The following SDCCAG8 variants were observed in gnomAD, a reference collection of about 807,000 sequenced individuals.
SDCCAG8 encodes the protein SHH signaling and ciliogenesis regulator SDCCAG8, also known as serologically defined colon cancer antigen 8.
A neutral mutation model predicts 101.8 loss-of-function variants in SDCCAG8; 74 were observed. The observed-to-expected ratio is 0.73, with a 90% CI of 0.60 to 0.88. The LOEUF (loss-of-function observed/expected upper bound fraction) is 0.88. Ranked by LOEUF, SDCCAG8 falls within the 40% of genes least tolerant of loss-of-function variation. The pLI is 0.00. For missense variants in SDCCAG8, 787 were observed against 822.6 expected, an observed-to-expected ratio of 0.96 and a Z score of 0.53; for synonymous variants, 281 against 292.9, an observed-to-expected ratio of 0.96 and a Z score of 0.41.
Position 243,378,759 on chromosome 1 carries a change from A to G in SDCCAG8, c.1512A>G (p.Lys504=). Residue 504 remains lysine (K), a synonymous_variant, in exon 13 of 18, where the codon AAA becomes AAG. Transcript: ENST00000366541. The part of the protein sequence containing the change: ...EKLRIELDES[K]QHLEQEQQKA... The stretch of plus-strand genomic sequence containing the variant: ...TGAGAATAGAACTGGATGAAAGCAA[A>G]CAACACTTGGAACAGGAGCAGCAGA... 6.2e-7 allele frequency: 1 copy of G among 1,614,110 alleles called. No homozygotes were observed. Among genetic ancestry groups the G allele is most frequent in the South Asian group, 1.1e-5 (1 of 91,084 alleles).
At chr1:243,271,086 T>A (rs748363112) in intron 3 of SDCCAG8, 23 bp downstream of exon 3, 1 of 1,498,598 alleles carries the variant, frequency 6.7e-7, no homozygotes, top group Non-Finnish European at 9.3e-7. Context: ...TTTTCCAAGT[T>A]GACAAAGCAT....
intron 4 of SDCCAG8, among the ~76,000 whole-genome samples, chr1:243,278,343 C>G (rs1011093924): frequency 6.6e-6 from 1 of 152,136 alleles, no homozygotes; most frequent in African/African-American, 2.4e-5. Context: ...GCCTCAGCCT[C>G]CCGAATAGCT....
chr1:243,462,749 G>T (rs939988854), intron 16 of SDCCAG8, among the ~76,000 whole-genome samples: 1 of 152,058 alleles, frequency 6.6e-6, no homozygotes, highest in African/African-American at 2.4e-5. Context: ...ATATCATAGT[G>T]CTGTTGGGTC....
intron 12 of SDCCAG8, among the ~76,000 whole-genome samples, chr1:243,359,322 T>C (rs1362629584): frequency 6.6e-6 from 1 of 152,332 alleles, no homozygotes; most frequent in East Asian, 1.9e-4. Context: ...CAGATGCCAT[T>C]TGCACTATAG....
chr1:243,312,999 A>G (rs2072900801), intron 8 of SDCCAG8, among the ~76,000 whole-genome samples: 1 of 152,214 alleles, frequency 6.6e-6, no homozygotes, highest in Admixed American at 6.5e-5. Flanking sequence ...TCACATGGTA[A>G]CCAAGATGGA....
rs548968544 is a variant in SDCCAG8, at chr1:243,416,221, A to C, written c.1744+392A>C. ...GCTCTGCGGGAAATGCTCTGAGCTT[A>C]CAGTTAGAGTCTCCTGAATAGCATT... On this transcript the variant is annotated intron_variant, in intron 14 of 17. Transcript: ENST00000366541. This position sits in a 1 kb window ranked among gnomAD's most constrained non-coding sequence, Gnocchi z 4.3. Among the ~76,000 whole-genome samples, 4 of 152,306 alleles carry C rather than the reference A, an allele frequency of 2.6e-5. No homozygotes were observed. The South Asian group carries it at 8.3e-4, about 32-fold the overall frequency.
chr1:243,438,369 T>C (rs1558469737), intron 16 of SDCCAG8, among the ~76,000 whole-genome samples: 1 of 152,226 alleles, frequency 6.6e-6, no homozygotes, highest in Non-Finnish European at 1.5e-5. Context: ...GATAAAACGG[T>C]TCAATTGTTC....
At chr1:243,393,723 A>G (rs2078866045) in intron 13 of SDCCAG8, among the ~76,000 whole-genome samples, 1 of 152,184 alleles carries the variant, frequency 6.6e-6, no homozygotes. Flanking sequence ...TATGCATCAA[A>G]AAGTTTGCAG....
intron 7 of SDCCAG8, chr1:243,307,286 C>CAAA: frequency 2.2e-6 from 1 of 447,358 alleles, no homozygotes; most frequent in Non-Finnish European, 2.9e-6. Flanking sequence ...CCACCCCCAC[C>CAAA]ATTCCCCAGC....
chr1:243,303,804 G>A (rs1333728157), intron 6 of SDCCAG8, among the ~76,000 whole-genome samples: 1 of 152,120 alleles, frequency 6.6e-6, no homozygotes, highest in African/African-American at 2.4e-5. Flanking sequence ...CAGGCGCAGT[G>A]GCTCACACCT....
At chr1:243,352,214 G>C (rs1313517038) in intron 12 of SDCCAG8, among the ~76,000 whole-genome samples, 1 of 152,142 alleles carries the variant, frequency 6.6e-6, no homozygotes, top group Non-Finnish European at 1.5e-5. Context: ...GAAGATAAGA[G>C]TACAAATAGG....
At chr1:243,258,353 A>G (rs2066924999) in intron 1 of SDCCAG8, among the ~76,000 whole-genome samples, 1 of 152,202 alleles carries the variant, frequency 6.6e-6, no homozygotes, top group East Asian at 1.9e-4. Flanking sequence ...TTAACTCTGA[A>G]CTTAAGTACA....
intron 14 of SDCCAG8, 144 bp from the exon 15 acceptor site, chr1:243,417,824 C>A (rs1478033844): frequency 4.6e-6 from 3 of 652,904 alleles, no homozygotes; most frequent in Non-Finnish European, 8.4e-6. Context: ...ATGATAAGTC[C>A]TTTGACTTAG....
chr1:243,270,848 A>G (rs1220673607), intron 2 of SDCCAG8, 130 bp from the exon 3 acceptor site: 4 of 686,788 alleles, frequency 5.8e-6, no homozygotes, highest in African/African-American at 5.5e-5. Context: ...TTGGTCTTGT[A>G]TCCCCAGTTG....
intron 9 of SDCCAG8, among the ~76,000 whole-genome samples, chr1:243,330,110 G>C (rs2074480511): frequency 6.6e-6 from 1 of 152,058 alleles, no homozygotes; most frequent in South Asian, 2.1e-4. Flanking sequence ...TTAGTATTTT[G>C]ATCTATCATT....
intron 4 of SDCCAG8, among the ~76,000 whole-genome samples, chr1:243,275,962 C>T (rs2068530961): frequency 7.0e-6 from 1 of 142,668 alleles, no homozygotes; most frequent in African/African-American, 2.6e-5. Context: ...CTCCCTGGTT[C>T]AAGCTATTCT....
At chr1:243,497,518 G>T (rs1033156135) in intron 17 of SDCCAG8, among the ~76,000 whole-genome samples, 25 of 152,154 alleles carry the variant, frequency 1.6e-4, no homozygotes, top group African/African-American at 6.0e-4. Context: ...GTACATCTGT[G>T]TCACCCCCAT....
intron 9 of SDCCAG8, among the ~76,000 whole-genome samples, chr1:243,319,310 C>A (rs766708160): frequency 1.3e-5 from 2 of 152,298 alleles, no homozygotes; most frequent in Middle Eastern, 3.4e-3. Flanking sequence ...TCTCTCTCCT[C>A]CCTAATCAAT....
chr1:243,313,636 C>G (rs554019585), intron 8 of SDCCAG8, among the ~76,000 whole-genome samples: 55 of 152,322 alleles, frequency 3.6e-4, no homozygotes, highest in African/African-American at 1.3e-3. Flanking sequence ...TCAACACATT[C>G]ACATGGTGTT....
Sources: allele counts gnomAD v4.1 joint callset (sites outside exome capture counted in the v4.1 genomes callset), GRCh38; gene constraint gnomAD v4.1.1; non-coding constraint Gnocchi (gnomAD v3.1); transcripts MANE v1.5; gene names NCBI Gene and HGNC (gene_info 2026-07-23, HGNC 2026-07-21).